KDM6B: variants seen among roughly 807,000 people sequenced by gnomAD.
KDM6B encodes the protein lysine demethylase 6B.
KDM6B carries 22 observed loss-of-function variants against 150.4 expected under a neutral mutation model. The observed-to-expected ratio is 0.15, with a 90% CI of 0.10 to 0.21. KDM6B has a LOEUF of 0.21. KDM6B is among the 10% of genes least tolerant of loss of function. KDM6B has a pLI of 1.00. For missense variants in KDM6B, 1,984 were observed against 2,234.3 expected (o/e 0.89, Z 2.26); for synonymous variants, 1,148 against 921.1 (o/e 1.25, Z -4.46).
At chr17:7,842,443 G>A (rs971038257) in intron 2 of KDM6B, among the ~76,000 whole-genome samples, 2 of 152,332 alleles carry the variant, frequency 1.3e-5, no homozygotes, top group African/African-American at 4.8e-5. Context: ...CTCTGGCCGC[G>A]TGCGTCTACC....
rs762158929 is a variant in KDM6B, at chr17:7,846,858, T to G, written c.751T>G (p.Leu251Val). The change falls in exon 10 of 24, where the codon TTA (leucine) becomes GTA (valine). Residue 251 changes from leucine to valine, a missense_variant. Physicochemically the swap from Leu to Val is conservative, Grantham distance 32 (BLOSUM62 1). Coordinates refer to ENST00000448097, the MANE Select transcript of KDM6B (RefSeq NM_001348716.2). ...AGGGCTGCCACTGCCTCCACCACCATTACCACCACCACCACCACCACCACC... is the reference window on the plus strand; with the variant it reads ...AGGGCTGCCACTGCCTCCACCACCAGTACCACCACCACCACCACCACCACC... ...PPGLPLPPPP[L>V]PPPPPPPPPP... 9.3e-7 allele frequency: 1 copy of G among 1,073,676 alleles called. No individual in the cohort carries two copies. The allele number at this position is 1,073,676 out of a possible 1,614,324, so 66.5% of individuals were successfully genotyped here. A position where few individuals can be genotyped will look rare whatever the true frequency, so the allele number is the denominator to read the frequency against.
chr17:7,853,397 C>G lies in KDM6B; in HGVS notation c.4908+17C>G, dbSNP rs1429717895. 6.5e-7 allele frequency: 1 copy of G among 1,537,168 alleles called. No homozygotes were observed. The highest frequency in any genetic ancestry group is 2.0e-5 in the Admixed American group (1 of 50,992). On this transcript the variant is annotated intron_variant, in intron 23 of 23. Coordinates refer to ENST00000448097, the MANE Select transcript of KDM6B (RefSeq NM_001348716.2). ...TTCACGCTGGTGAGGGCCCGGCGGG[C>G]GCGCGGGCAGCGGAGGAGGGCACTG...
chr17:7,847,481 G>GA (rs767173867), intron 11 of KDM6B, 29 bp downstream of exon 11: 1 of 1,613,526 alleles, frequency 6.2e-7, no homozygotes, highest in Non-Finnish European at 8.5e-7. Context: ...TGGAGGGGGG[G>GA]ATGGGTGGAG....
chr17:7,846,376 T>A, intron 7 of KDM6B, 24 bp from the exon 8 acceptor site: 20 of 450,948 alleles, frequency 4.4e-5, no homozygotes, highest in Non-Finnish European at 8.2e-5. Flanking sequence ...CATCTGCCCC[T>A]GCCCCGTGTC....
intron 1 of KDM6B, among the ~76,000 whole-genome samples, chr17:7,838,769 C>G (rs1446830860): frequency 6.6e-6 from 1 of 151,912 alleles, no homozygotes; most frequent in African/African-American, 2.4e-5. Context: ...GGTTATGAGC[C>G]TCCCTGTCCT....
At position 7,848,840 on chromosome 17, in the gene KDM6B, C is replaced by A; in HGVS notation, c.2552C>A (p.Thr851Asn). The stretch of plus-strand genomic sequence containing the variant: ...TCAGGTGCTACCGCCCTGCCGCCCA[C>A]CTCAGCGGCCCCTAGCGCCCAGGGC... ...PPSGATALPP[T>N]SAAPSAQGSP... is the part of the protein sequence containing the mutation. Residue 851 changes from threonine (T) to asparagine (N), a missense_variant, in exon 12 of 24, where the codon ACC (threonine) becomes AAC (asparagine). Thr to Asn is a moderately conservative substitution (Grantham distance 65). Coordinates refer to ENST00000448097, the MANE Select transcript of KDM6B (RefSeq NM_001348716.2). The A allele has an allele frequency of 1.2e-6, 2 of 1,612,346 alleles. No individual in the cohort carries two copies. Among genetic ancestry groups the A allele is most frequent in the Non-Finnish European group, 1.7e-6 (2 of 1,179,746 alleles).
chr17:7,846,319 G>A (rs775195561), intron 7 of KDM6B, 22 bp downstream of exon 7: 5 of 1,603,828 alleles, frequency 3.1e-6, no homozygotes, highest in Admixed American at 1.7e-5. Flanking sequence ...CAGGGCGTGG[G>A]GGACGGGATT....
Position 7,847,899 on chromosome 17 carries a change from T to C in KDM6B, c.1611T>C (p.Thr537=), listed in dbSNP as rs950386643. The change falls in exon 12 of 24, where the codon ACT becomes ACC. Residue 537 remains threonine, a synonymous_variant. Transcript: ENST00000448097. The part of the protein sequence containing the change: ...GPPASRFSVG[T]QDSHTPPTPP... ...CGGCCTCCCGCTTTTCTGTGGGCAC[T>C]CAGGATTCTCACACCCCTCCCACTC... 30 of 1,407,362 alleles carry C rather than the reference T, an allele frequency of 2.1e-5. No homozygotes were observed. Among genetic ancestry groups the C allele is most frequent in the Non-Finnish European group, 2.6e-5 (28 of 1,058,544 alleles). 87.2% of individuals were successfully genotyped at this position (1,407,362 alleles called of 1,614,324 possible).
At position 7,854,532 on chromosome 17, in the gene KDM6B, C is replaced by A. The variant is rs539241061; in HGVS notation, c.*1011C>A. The A allele has an allele frequency of 3.3e-5, 5 of 152,754 alleles. 2 individuals carry two copies. The South Asian group carries it at 1.0e-3, about 31-fold the overall frequency. 9.5% of individuals were successfully genotyped at this position (152,754 alleles called of 1,614,324 possible). On this transcript the variant is annotated 3_prime_UTR_variant, in exon 24 of 24. Coordinates refer to ENST00000448097, the MANE Select transcript of KDM6B (RefSeq NM_001348716.2). ...CAGACCTTCACCCCCACCCCCTTTT[C>A]TTTTTAAGTGTGAAACAACCCAGGG...
chr17:7,848,740 T>A lies in KDM6B; in HGVS notation c.2452T>A (p.Tyr818Asn). 1 of 1,612,714 alleles carries A rather than the reference T, an allele frequency of 6.2e-7. No homozygotes were observed. Among genetic ancestry groups the A allele is most frequent in the Non-Finnish European group, 8.5e-7 (1 of 1,179,960 alleles). The change falls in exon 12 of 24, where the codon TAT becomes AAT. Residue 818 changes from tyrosine (Y) to asparagine (N), a missense_variant. Tyr to Asn is a moderately radical substitution (Grantham distance 143). This residue lies in a region of KDM6B where 1,379 missense variants were observed against 1,275.6 expected (regional missense o/e 1.08). Transcript: ENST00000448097. ...CGTGCTGGAGGGACAAAAGTACTGT[T>A]ATCGGGGGACTGGAGCAGCTGTTTC... The part of the protein sequence containing the change: ...ASVLEGQKYC[Y>N]RGTGAAVSTR...
chr17:7,846,451 C>T lies in KDM6B; in HGVS notation c.508C>T (p.Leu170=), dbSNP rs746389843. Reference sequence around the variant, plus strand: ...CTCCTGCCAGCACCGAGCCAAGGTCCTGCCCCCACTGGAGCAAGTGTGGAA... The same window carrying T: ...CTCCTGCCAGCACCGAGCCAAGGTCTTGCCCCCACTGGAGCAAGTGTGGAA... ...TGSCQHRAKV[L]PPLEQVWNLL... The change falls in exon 8 of 24, where the codon CTG becomes TTG. Residue 170 remains leucine (L), a synonymous_variant. Coordinates refer to ENST00000448097, the MANE Select transcript of KDM6B (RefSeq NM_001348716.2). 6.2e-7 allele frequency: 1 copy of T among 1,613,828 alleles called. No individual in the cohort carries two copies. Among genetic ancestry groups the T allele is most frequent in the South Asian group, 1.1e-5 (1 of 91,066 alleles).
rs571844224 is a variant in KDM6B at position 7,838,701 on chromosome 17, C to T, written c.-387-1205C>T. On this transcript the variant is annotated intron_variant, in intron 1 of 23. Transcript: ENST00000448097. ...ACTAGCCCTTTCCTAGTCCCTCCCC[C>T]CAGCACAACCGCAGAACACAGATGC... Among the ~76,000 whole-genome samples, 10 of 149,692 alleles carry T rather than the reference C, an allele frequency of 6.7e-5. No individual in the cohort carries two copies. The East Asian group carries it at 1.2e-3, about 18-fold the overall frequency.
chr17:7,845,716 C>T (rs761981862), intron 5 of KDM6B, 25 bp downstream of exon 5: 2 of 1,614,060 alleles, frequency 1.2e-6, no homozygotes, highest in Non-Finnish European at 8.5e-7. Context: ...CCCTCTGTCT[C>T]CAGGCACACC....
At position 7,846,497 on chromosome 17, in the gene KDM6B, G is replaced by A. The variant is rs1159239535; in HGVS notation, c.549+5G>A. On this transcript the variant is annotated splice_donor_5th_base_variant and intron_variant, in intron 8 of 23. Transcript: ENST00000448097. Reference sequence around the variant, plus strand: ...TGGAACTTGCTACACCTTGAGGTGAGGCTGGCACTGGGTGGGTTAGGGAGG... The same window carrying A: ...TGGAACTTGCTACACCTTGAGGTGAAGCTGGCACTGGGTGGGTTAGGGAGG... The A allele has an allele frequency of 6.2e-7, 1 of 1,614,010 alleles. No individual in the cohort carries two copies. The highest frequency in any genetic ancestry group is 1.3e-5 in the African/African-American group (1 of 75,014).
Position 7,834,270 on chromosome 17 carries a change from C to G in KDM6B, c.-468C>G, listed in dbSNP as rs1012409692. ...CTGGGCGGAGCGGCCCCCCCAGCCC[C>G]GGCCTGGGAGAAGGGGGGGCCGCTC... On this transcript the variant is annotated 5_prime_UTR_variant, in exon 1 of 24. Coordinates refer to ENST00000448097, the MANE Select transcript of KDM6B (RefSeq NM_001348716.2). Among the ~76,000 whole-genome samples the G allele has an allele frequency of 1.3e-5, 2 of 151,342 alleles. No individual in the cohort carries two copies. Among genetic ancestry groups the G allele is most frequent in the African/African-American group, 4.9e-5 (2 of 41,222 alleles).
chr17:7,851,929 C>A (rs1171131658), intron 18 of KDM6B, 22 bp from the exon 19 acceptor site: 1 of 1,611,044 alleles, frequency 6.2e-7, no homozygotes, highest in Non-Finnish European at 8.5e-7. Flanking sequence ...CCAGCCATGC[C>A]GTTCTCTGTC....
intron 1 of KDM6B, among the ~76,000 whole-genome samples, 51 bp downstream of exon 1, chr17:7,834,401 A>C (rs1399966719): frequency 6.6e-6 from 1 of 152,098 alleles, no homozygotes; most frequent in South Asian, 2.1e-4. Flanking sequence ...CTCTCCTTGC[A>C]GCAGGGCAGG....
intron 21 of KDM6B, 121 bp from the exon 22 acceptor site, chr17:7,852,879 C>T: frequency 1.4e-6 from 2 of 1,401,638 alleles, no homozygotes; most frequent in East Asian, 2.3e-5. Flanking sequence ...GTGACCTAGA[C>T]ATGAAGCGGG....
chr17:7,851,293 T>G (rs746062268), intron 15 of KDM6B, 37 bp from the exon 16 acceptor site: 2 of 1,613,400 alleles, frequency 1.2e-6, no homozygotes, highest in South Asian at 2.2e-5. Context: ...TCTCGAAAGG[T>G]CTCTGACCCA....
Sources: gnomAD v4.1 joint callset for allele counts (sites outside exome capture counted in the v4.1 genomes callset) on GRCh38, gnomAD v4.1.1 for gene constraint, gnomAD v4.1.1 regional missense constraint, MANE v1.5 for transcripts, NCBI Gene and HGNC (gene_info 2026-07-23, HGNC 2026-07-21) for gene names.